The following LIG3 variants were observed in gnomAD, a reference collection of about 807,000 sequenced individuals.
LIG3 encodes ligase II, DNA, ATP-dependent.
In LIG3, 58 loss-of-function variants were observed where a neutral mutation model predicts 110.9. The observed-to-expected ratio is 0.52, with a 90% confidence interval of 0.42 to 0.65. The LOEUF (loss-of-function observed/expected upper bound fraction) is 0.65. Ranked by LOEUF, LIG3 falls within the 30% of genes least tolerant of loss-of-function variation. LIG3 has a pLI of 0.00. For synonymous variants in LIG3, 422 were observed against 472.8 expected (o/e 0.89, Z 1.39); for missense variants, 1,094 against 1,273.8 (o/e 0.86, Z 2.15).
Position 34,999,440 on chromosome 17 carries a change from G to T in LIG3, c.2247G>T (p.Lys749Asn). 1 of 1,613,840 alleles carries T rather than the reference G, an allele frequency of 6.2e-7. No individual in the cohort carries two copies. The highest frequency in any genetic ancestry group is 8.5e-7 in the Non-Finnish European group (1 of 1,179,852). Residue 749 changes from lysine (K) to asparagine (N), a missense_variant, in exon 15 of 20, where the codon AAG (lysine) becomes AAT (asparagine). By Grantham distance (94) the Lys-to-Asn change is moderately conservative. Coordinates refer to ENST00000378526, the MANE Select transcript of LIG3 (RefSeq NM_013975.4). ...TGCAGAATGAACTAGACATGGTGAAGATCAGCAAGGTGAGGAAGGGACCTG... is the reference window on the plus strand; with the variant it reads ...TGCAGAATGAACTAGACATGGTGAATATCAGCAAGGTGAGGAAGGGACCTG... ...ARLQNELDMV[K>N]ISKDPSKIPS...
At chr17:34,992,433 G>T in intron 7 of LIG3, 91 bp from the exon 8 acceptor site, 1 of 1,312,018 alleles carries the variant, frequency 7.6e-7, no homozygotes, top group Admixed American at 2.4e-5. Context: ...TACAGATGAG[G>T]ATTTCTTCTG....
Position 34,994,336 on chromosome 17 carries a change from G to C in LIG3, c.1516G>C (p.Glu506Gln). ...GAAATGTCCCAATGGCATGTTCTCTGAGATCAAGTACGATGGAGAGCGAGT... is the reference window on the plus strand; with the variant it reads ...GAAATGTCCCAATGGCATGTTCTCTCAGATCAAGTACGATGGAGAGCGAGT... ...MKKCPNGMFS[E>Q]IKYDGERVQV... Residue 506 changes from glutamate to glutamine, a missense_variant, in exon 9 of 20, where the codon GAG becomes CAG. By Grantham distance (29) the Glu-to-Gln change is conservative. Transcript: ENST00000378526. 1 of 1,614,166 alleles carries C rather than the reference G, an allele frequency of 6.2e-7. No homozygotes were observed. The highest frequency in any genetic ancestry group is 8.5e-7 in the Non-Finnish European group (1 of 1,180,026).
intron 12 of LIG3, 170 bp from the exon 13 acceptor site, chr17:34,998,049 G>A (rs767274021): frequency 2.5e-5 from 16 of 648,986 alleles, no homozygotes; most frequent in Non-Finnish European, 3.2e-5. Flanking sequence ...AGCCACAGCA[G>A]CCCTCTGTTT....
chr17:34,999,864 C>G lies in LIG3; in HGVS notation c.2331+8C>G. The G allele has an allele frequency of 5.0e-6, 8 of 1,611,240 alleles. No individual in the cohort carries two copies. Among genetic ancestry groups the G allele is most frequent in the Non-Finnish European group, 6.8e-6 (8 of 1,177,390 alleles). ...ATCGTCCCAGACCCAAAGGTATCAA[C>G]CCAGTGGCTTGGGGGCCTCCAGCTC... On this transcript the variant is annotated splice_region_variant and intron_variant, in intron 16 of 19. Transcript: ENST00000378526.
chr17:34,999,139 A>G, intron 14 of LIG3, 168 bp from the exon 15 acceptor site: 3 of 717,198 alleles, frequency 4.2e-6, no homozygotes, highest in Non-Finnish European at 6.6e-6. Flanking sequence ...AGAAGAGGAA[A>G]TTGGGGCTTA....
At chr17:34,995,242 A>G (rs890546894) in intron 9 of LIG3, among the ~76,000 whole-genome samples, 1 of 152,150 alleles carries the variant, frequency 6.6e-6, no homozygotes, top group Non-Finnish European at 1.5e-5. Flanking sequence ...CAAAGCAGTC[A>G]GGCCATTTGT....
At chr17:34,992,192 C>T (rs2090729102) in intron 7 of LIG3, among the ~76,000 whole-genome samples, 157 bp downstream of exon 7, 1 of 152,244 alleles carries the variant, frequency 6.6e-6, no homozygotes, top group Non-Finnish European at 1.5e-5. Context: ...CCTGTCTCTG[C>T]CTCCATTTTT....
At position 35,007,740 on chromosome 17, in the gene LIG3, T is replaced by C. The variant is rs2090905428; in HGVS notation, c.*3234T>C. The C allele has an allele frequency of 6.6e-6, 1 of 151,928 alleles. No homozygotes were observed. The highest frequency in any genetic ancestry group is 2.4e-5 in the African/African-American group (1 of 41,310). 9.4% of individuals were successfully genotyped at this position (151,928 alleles called of 1,614,324 possible). ...CTGTCACGAGGCTGGGCCAACCTTTTTTTTTTTTTTAAACAGACTCTTGCT... is the reference window on the plus strand; with the variant it reads ...CTGTCACGAGGCTGGGCCAACCTTTCTTTTTTTTTTAAACAGACTCTTGCT... On this transcript the variant is annotated 3_prime_UTR_variant, in exon 20 of 20. Coordinates refer to ENST00000378526, the MANE Select transcript of LIG3 (RefSeq NM_013975.4).
At chr17:34,998,368 AC>A in intron 13 of LIG3, 72 bp downstream of exon 13, 1 of 1,384,512 alleles carries the variant, frequency 7.2e-7, no homozygotes, top group Non-Finnish European at 1.0e-6. Flanking sequence ...TCCAGCCCTG[AC>A]CAGGAGATGG....
In LIG3 at chr17:34,990,978, A is replaced by T; in HGVS notation, c.905A>T (p.Asp302Val). The change falls in exon 5 of 20, where the codon GAT becomes GTT. Residue 302 changes from aspartate (D) to valine (V), a missense_variant. Physicochemically the swap from Asp to Val is radical, Grantham distance 152. Transcript: ENST00000378526. ...CTGTCTCCAGATGGTTTCCACGGTG[A>T]TGTGTACCTAACAGTGAAGCTGCTG... ...KGSAGDGFHG[D>V]VYLTVKLLLP... 6.2e-7 allele frequency: 1 copy of T among 1,614,138 alleles called. No individual in the cohort carries two copies. The highest frequency in any genetic ancestry group is 8.5e-7 in the Non-Finnish European group (1 of 1,179,980).
At position 34,998,284 on chromosome 17, in the gene LIG3, G is replaced by A. The variant is rs200846458; in HGVS notation, c.1977G>A (p.Leu659=). The change falls in exon 13 of 20, where the codon CTG becomes CTA. Residue 659 remains leucine (L), a synonymous_variant. Coordinates refer to ENST00000378526, the MANE Select transcript of LIG3 (RefSeq NM_013975.4). ...AGGAGGGATTGGAGGGGCTGGTGCT[G>A]AAGGATGTGAAGGTAAAGTGGCCTC... is the stretch of plus-strand genomic sequence containing the variant. ...VIQEGLEGLV[L]KDVKGTYEPG... is the part of the protein sequence containing the mutation. 2.5e-6 allele frequency: 4 copies of A among 1,613,010 alleles called. No homozygotes were observed. The South Asian group carries it at 3.3e-5, about 13-fold the overall frequency.
At position 34,980,632 on chromosome 17, in the gene LIG3, T is replaced by TACGCGGCGCG. The variant is rs2090571945; in HGVS notation, c.-5+11_-5+20dup. ...GGAGCCGGAGAGGCAGGTGAGGGGCTACGCGGCGCGGCACGGCGCGGCGGG... is the reference window on the plus strand; with the variant it reads ...GGAGCCGGAGAGGCAGGTGAGGGGCTACGCGGCGCGACGCGGCGCGGCACGGCGCGGCGGG... On this transcript the variant is annotated intron_variant, in intron 1 of 19. Coordinates refer to ENST00000378526, the MANE Select transcript of LIG3 (RefSeq NM_013975.4). 7.9e-6 allele frequency: 10 copies of TACGCGGCGCG among 1,261,696 alleles called. No homozygotes were observed. Among genetic ancestry groups the TACGCGGCGCG allele is most frequent in the Non-Finnish European group, 8.2e-6 (8 of 974,686 alleles). The allele number at this position is 1,261,696 out of a possible 1,614,324, so 78.2% of individuals were successfully genotyped here.
Position 35,005,298 on chromosome 17 carries a change from A to G in LIG3, c.*792A>G, listed in dbSNP as rs778517297. On this transcript the variant is annotated 3_prime_UTR_variant, in exon 20 of 20. Transcript: ENST00000378526. ...CCAAGAACAGCCCTTGTTGCCACCA[A>G]CATGGAGACTTTGTACCATATCCCA... The G allele has an allele frequency of 5.5e-6, 3 of 540,814 alleles. No homozygotes were observed. Among genetic ancestry groups the G allele is most frequent in the Non-Finnish European group, 1.1e-5 (3 of 267,346 alleles). The allele number at this position is 540,814 out of a possible 1,614,324, so 33.5% of individuals were successfully genotyped here.
chr17:34,982,588 G>T (rs567466162), intron 1 of LIG3, among the ~76,000 whole-genome samples: 1 of 151,516 alleles, frequency 6.6e-6, no homozygotes, highest in African/African-American at 2.4e-5. Context: ...AGGAGGTTGC[G>T]GTGAGCCAAG....
In LIG3 at chr17:34,982,850, A is replaced by G. The variant is rs3135959; in HGVS notation, c.-4-152A>G. On this transcript the variant is annotated intron_variant, in intron 1 of 19. Coordinates refer to ENST00000378526, the MANE Select transcript of LIG3 (RefSeq NM_013975.4). ...GCTTTTCCTGTATCAGAACTCTTTC[A>G]TGCTGTAGAGTAGACTATGAATGTA... 3.8e-3 allele frequency among the ~76,000 whole-genome samples: 578 copies of G among 152,196 alleles called. 3 individuals are homozygous for G. The highest frequency in any genetic ancestry group is 0.013 in the African/African-American group (527 of 41,514).
intron 9 of LIG3, among the ~76,000 whole-genome samples, chr17:34,995,768 G>A (rs554754103): frequency 3.9e-5 from 6 of 152,046 alleles, no homozygotes; most frequent in East Asian, 1.9e-4. Flanking sequence ...CTCCTCCCCC[G>A]ACAGGTTTAA....
intron 5 of LIG3, 99 bp from the exon 6 acceptor site, chr17:34,991,572 A>C: frequency 8.7e-7 from 1 of 1,155,664 alleles, no homozygotes; most frequent in Non-Finnish European, 1.3e-6. Context: ...GATAGGAGCT[A>C]TGATTGAAAT....
At chr17:35,000,699 T>C (rs1373282567) in intron 16 of LIG3, among the ~76,000 whole-genome samples, 1 of 140,584 alleles carries the variant, frequency 7.1e-6, no homozygotes, top group African/African-American at 2.7e-5. Context: ...CACTGCAGCC[T>C]CCGCCTCCTG....
At chr17:34,994,553 T>G (rs1457637615) in intron 9 of LIG3, 122 bp downstream of exon 9, 2 of 1,000,796 alleles carry the variant, frequency 2.0e-6, no homozygotes, top group East Asian at 5.3e-5. Context: ...TTTTATTTGT[T>G]GAATGAATTA....
Sources: gnomAD v4.1 joint callset for allele counts (sites outside exome capture counted in the v4.1 genomes callset) on GRCh38, gnomAD v4.1.1 for gene constraint, MANE v1.5 for transcripts, NCBI Gene and HGNC (gene_info 2026-07-23, HGNC 2026-07-21) for gene names.